The following PTPRM variants were observed in gnomAD, a reference collection of about 807,000 sequenced individuals.
PTPRM encodes the protein protein tyrosine phosphatase receptor type M.
A neutral mutation model predicts 186.7 loss-of-function variants in PTPRM; 47 were observed. That is an observed-to-expected ratio of 0.25 (90% CI 0.20 to 0.32). PTPRM has a LOEUF of 0.32. PTPRM is among the 10% of genes least tolerant of loss of function. The pLI, the probability that PTPRM is intolerant of heterozygous loss-of-function variation, is 1.00. For missense variants in PTPRM, 1,494 were observed against 1,865.0 expected (o/e 0.80, Z 3.66); for synonymous variants, 668 against 674.9 (o/e 0.99, Z 0.16).
intron 9 of PTPRM, among the ~76,000 whole-genome samples, chr18:8,078,324 G>C (rs1237130207): frequency 6.6e-6 from 1 of 152,152 alleles, no homozygotes; most frequent in Non-Finnish European, 1.5e-5. Flanking sequence ...TCCTCCCGGA[G>C]CTGAAGATAC....
chr18:8,388,947 C>T (rs1440776658), intron 31 of PTPRM, among the ~76,000 whole-genome samples: 1 of 151,620 alleles, frequency 6.6e-6, no homozygotes, highest in Non-Finnish European at 1.5e-5. Flanking sequence ...GGGGACAGAG[C>T]GAGACTCCAT....
chr18:8,380,144 C>A, intron 28 of PTPRM, 152 bp from the exon 29 acceptor site: 1 of 724,260 alleles, frequency 1.4e-6, no homozygotes, highest in Non-Finnish European at 2.2e-6. Context: ...TATATTTAGT[C>A]TATGTTGGTG....
At chr18:8,219,004 C>A (rs374819796) in intron 14 of PTPRM, among the ~76,000 whole-genome samples, 3 of 152,318 alleles carry the variant, frequency 2.0e-5, no homozygotes, top group African/African-American at 7.2e-5. Flanking sequence ...CTGCATCATG[C>A]AGTACATCCT....
At chr18:7,916,056 A>T (rs950482492) in intron 4 of PTPRM, among the ~76,000 whole-genome samples, 21 of 152,198 alleles carry the variant, frequency 1.4e-4, no homozygotes, top group African/African-American at 5.1e-4. Flanking sequence ...AACAGTGTGT[A>T]TATATGGACA....
At chr18:8,265,822 C>G (rs1055943939) in intron 19 of PTPRM, among the ~76,000 whole-genome samples, 1 of 152,160 alleles carries the variant, frequency 6.6e-6, no homozygotes, top group African/African-American at 2.4e-5. Flanking sequence ...GTTGTGACAG[C>G]AACTACTCAC....
intron 7 of PTPRM, among the ~76,000 whole-genome samples, chr18:8,013,417 C>T (rs1233090999): frequency 6.6e-6 from 1 of 152,168 alleles, no homozygotes; most frequent in Admixed American, 6.5e-5. Context: ...ATGTGTTTCA[C>T]ATGCTATATT....
chr18:8,161,487 T>A (rs562008002), intron 14 of PTPRM, among the ~76,000 whole-genome samples: 60 of 152,232 alleles, frequency 3.9e-4, no homozygotes, highest in African/African-American at 1.4e-3. Flanking sequence ...TATATTACAG[T>A]GTCACAAATC....
At chr18:8,125,542 T>TA (rs1232494812) in intron 13 of PTPRM, among the ~76,000 whole-genome samples, 3 of 152,158 alleles carry the variant, frequency 2.0e-5, no homozygotes, top group South Asian at 4.1e-4. Context: ...TTCATTTTTT[T>TA]AAAAAAAATT....
intron 2 of PTPRM, among the ~76,000 whole-genome samples, chr18:7,778,204 G>C (rs1332267758): frequency 1.3e-5 from 2 of 152,310 alleles, no homozygotes; most frequent in East Asian, 3.9e-4. Flanking sequence ...AAGCTGGCTT[G>C]ATAACTACTC....
At chr18:7,783,570 T>A (rs1026024955) in intron 2 of PTPRM, among the ~76,000 whole-genome samples, 6 of 152,090 alleles carry the variant, frequency 3.9e-5, no homozygotes, top group Non-Finnish European at 7.4e-5. Context: ...ATTATTATTT[T>A]ATTTATTTAT....
At chr18:8,180,608 GC>G (rs1204371442) in intron 14 of PTPRM, among the ~76,000 whole-genome samples, 1 of 152,164 alleles carries the variant, frequency 6.6e-6, no homozygotes. Context: ...GCAGTGGCCT[GC>G]CGGCACTTGG....
At chr18:8,146,803 T>C (rs1296014314) in intron 14 of PTPRM, among the ~76,000 whole-genome samples, 4 of 152,196 alleles carry the variant, frequency 2.6e-5, no homozygotes, top group Non-Finnish European at 5.9e-5. Flanking sequence ...GTTTAAGTCT[T>C]TAATCCATCT....
intron 7 of PTPRM, among the ~76,000 whole-genome samples, chr18:8,002,062 G>A (rs934526598): frequency 9.2e-5 from 14 of 152,264 alleles, no homozygotes; most frequent in African/African-American, 2.4e-4. Context: ...AGAGGACCAC[G>A]TGAGATGAGA....
chr18:7,702,400 G>T (rs1054008941), intron 1 of PTPRM, among the ~76,000 whole-genome samples: 6 of 152,238 alleles, frequency 3.9e-5, no homozygotes, highest in Admixed American at 3.3e-4. Context: ...GCATGAGATG[G>T]TATCTCATTG....
intron 13 of PTPRM, among the ~76,000 whole-genome samples, chr18:8,115,816 T>G (rs1305470176): frequency 6.6e-6 from 1 of 152,202 alleles, no homozygotes; most frequent in African/African-American, 2.4e-5. Context: ...ATTTTCAAAA[T>G]TCTCACTGAA....
At chr18:7,881,685 G>T (rs1262198896) in intron 2 of PTPRM, among the ~76,000 whole-genome samples, 1 of 152,072 alleles carries the variant, frequency 6.6e-6, no homozygotes, top group Non-Finnish European at 1.5e-5. Context: ...GGCACTGGTG[G>T]CCCATTTTGT....
At chr18:8,161,831 T>C (rs2093235492) in intron 14 of PTPRM, among the ~76,000 whole-genome samples, 1 of 152,124 alleles carries the variant, frequency 6.6e-6, no homozygotes, top group African/African-American at 2.4e-5. Flanking sequence ...TGCATCCTAC[T>C]TCGTGATAAC....
At position 8,151,519 on chromosome 18, in the gene PTPRM, C is replaced by G. The variant is rs1238320073; in HGVS notation, c.2300+7740C>G. On this transcript the variant is annotated intron_variant, in intron 14 of 32. Coordinates refer to ENST00000580170, the MANE Select transcript of PTPRM (RefSeq NM_001105244.2). ...AAGCTGGGGCATCTCAGGTCAATCTCAGACTACTGCTGTGCTGGCTGCAAG... is the reference window on the plus strand; with the variant it reads ...AAGCTGGGGCATCTCAGGTCAATCTGAGACTACTGCTGTGCTGGCTGCAAG... Among the ~76,000 whole-genome samples the G allele has an allele frequency of 2.9e-5, 4 of 136,628 alleles. No individual in the cohort carries two copies. The East Asian group carries it at 1.0e-3, about 34-fold the overall frequency. The allele number at this position is 136,628 out of a possible 152,430, so 89.6% of individuals were successfully genotyped here.
At chr18:8,156,547 C>A (rs2093125466) in intron 14 of PTPRM, among the ~76,000 whole-genome samples, 1 of 152,136 alleles carries the variant, frequency 6.6e-6, no homozygotes. Context: ...AGCTTAAGAA[C>A]CCAGCAGTTG....
Sources: allele counts gnomAD v4.1 joint callset (sites outside exome capture counted in the v4.1 genomes callset), GRCh38; gene constraint gnomAD v4.1.1; transcripts MANE v1.5; gene names NCBI Gene and HGNC (gene_info 2026-07-23, HGNC 2026-07-21).